CCDC163: variants seen among roughly 807,000 people sequenced by gnomAD.
CCDC163 encodes the protein transmembrane protein CCDC163.
CCDC163 carries 13 observed loss-of-function variants against 8.2 expected under a neutral mutation model. The ratio of observed to expected loss-of-function variants is 1.59; its 90% CI spans 1.04 to 2.54. The LOEUF (loss-of-function observed/expected upper bound fraction) is 2.54. Among genes scored for constraint, CCDC163 ranks in the 30% most tolerant of loss-of-function variants. The probability of loss-of-function intolerance (pLI) is 0.00; values close to 1 mark genes in which losing one functional copy is unlikely to be tolerated. For missense variants in CCDC163, 117 were observed against 78.6 expected, an observed-to-expected ratio of 1.49 and a Z score of -1.85; for synonymous variants, 41 against 30.9, an observed-to-expected ratio of 1.33 and a Z score of -1.08.
chr1:45,499,074 G>C (rs775153281), intron 2 of CCDC163, among the ~76,000 whole-genome samples: 2 of 152,218 alleles, frequency 1.3e-5, no homozygotes, highest in Non-Finnish European at 2.9e-5. Context: ...ACTCAGGGCA[G>C]CTCAGCCTTT....
chr1:45,496,408 G>GGAGA, intron 4 of CCDC163, 148 bp downstream of exon 4: 1 of 698,174 alleles, frequency 1.4e-6, no homozygotes, highest in South Asian at 1.5e-5. Context: ...GAAGAGCTCT[G>GGAGA]GAGAGAGAGA....
Position 45,494,109 on chromosome 1 carries a change from G to A in CCDC163, c.*950C>T, listed in dbSNP as rs1263651787. 6.6e-6 allele frequency: 1 copy of A among 152,176 alleles called. No homozygotes were observed. The highest frequency in any genetic ancestry group is 1.5e-5 in the Non-Finnish European group (1 of 68,050). 9.4% of individuals were successfully genotyped at this position (152,176 alleles called of 1,614,324 possible). A position where few individuals can be genotyped will look rare whatever the true frequency, so the allele number is the denominator to read the frequency against. On this transcript the variant is annotated 3_prime_UTR_variant, in exon 5 of 5. Coordinates refer to ENST00000629482, the MANE Select transcript of CCDC163 (RefSeq NM_001102601.3). ...GGGAAGAGGCTGCTACAGAAATGCA[G>A]TCTGGGCTGCTAAGGATGATGTGTG... is the stretch of plus-strand genomic sequence containing the variant.
chr1:45,497,901 C>G (rs951532042), intron 2 of CCDC163, among the ~76,000 whole-genome samples: 4 of 144,798 alleles, frequency 2.8e-5, no homozygotes, highest in African/African-American at 1.0e-4. Flanking sequence ...TCATTGAGAA[C>G]GGGCCAGGAT....
In CCDC163 at chr1:45,493,873, C is replaced by T. The variant is rs976555736; in HGVS notation, c.*1186G>A. On this transcript the variant is annotated 3_prime_UTR_variant, in exon 5 of 5. Coordinates refer to ENST00000629482, the MANE Select transcript of CCDC163 (RefSeq NM_001102601.3). ...TGAAAAGGATCAGGATCATTAGTCA[C>T]AAGGCATTTTTTAATGAAATATAAT... is the stretch of plus-strand genomic sequence containing the variant. 3.3e-5 allele frequency: 5 copies of T among 152,188 alleles called. No homozygotes were observed. The highest frequency in any genetic ancestry group is 1.2e-4 in the African/African-American group (5 of 41,448). 9.4% of individuals were successfully genotyped at this position (152,188 alleles called of 1,614,324 possible).
At chr1:45,495,651 C>A in intron 4 of CCDC163, 1 of 616,932 alleles carries the variant, frequency 1.6e-6, no homozygotes, top group Non-Finnish European at 2.9e-6. Context: ...CTGGTCTCCT[C>A]CCTCTTTTTT....
chr1:45,497,568 G>C (rs911817085), intron 2 of CCDC163, among the ~76,000 whole-genome samples, 185 bp from the exon 3 acceptor site: 6 of 140,058 alleles, frequency 4.3e-5, no homozygotes, highest in Admixed American at 3.7e-4. Flanking sequence ...GCGTGATCTC[G>C]GCTCGCTACA....
At chr1:45,497,801 T>G (rs1440628588) in intron 2 of CCDC163, among the ~76,000 whole-genome samples, 24 of 136,090 alleles carry the variant, frequency 1.8e-4, no homozygotes, top group South Asian at 7.5e-4. Context: ...ATCCGGGAGG[T>G]GAGGGGTGCC....
intron 3 of CCDC163, 63 bp downstream of exon 3, chr1:45,497,236 A>T: frequency 1.4e-6 from 1 of 720,604 alleles, no homozygotes. Flanking sequence ...TAAAAGAAGA[A>T]GATGACTTTC....
intron 4 of CCDC163, chr1:45,495,412 C>A: frequency 4.3e-6 from 3 of 702,864 alleles, no homozygotes; most frequent in Non-Finnish European, 7.8e-6. Context: ...TTGTCCTTAT[C>A]CTTACCTGGC....
intron 2 of CCDC163, among the ~76,000 whole-genome samples, chr1:45,498,918 A>G (rs1643450970): frequency 1.3e-5 from 2 of 152,236 alleles, no homozygotes; most frequent in Non-Finnish European, 2.9e-5. Context: ...GAACTACTGT[A>G]TAACAGCTTT....
At chr1:45,497,775 C>A (rs1643377124) in intron 2 of CCDC163, among the ~76,000 whole-genome samples, 1 of 136,552 alleles carries the variant, frequency 7.3e-6, no homozygotes, top group Admixed American at 7.3e-5. Context: ...CAGCCCCCCG[C>A]CCGGCCAGCC....
intron 2 of CCDC163, among the ~76,000 whole-genome samples, chr1:45,497,940 G>T (rs1460917739): frequency 6.8e-6 from 1 of 147,808 alleles, no homozygotes; most frequent in Non-Finnish European, 1.5e-5. Flanking sequence ...GAATAGAAAG[G>T]GGGGAAAGGT....
chr1:45,495,034 T>A lies in CCDC163; in HGVS notation c.*25A>T, dbSNP rs747954391. 5.1e-6 allele frequency: 4 copies of A among 780,760 alleles called. No homozygotes were observed. In the South Asian group the frequency reaches 5.4e-5, roughly 10 times the overall value. The allele number at this position is 780,760 out of a possible 1,614,324, so 48.4% of individuals were successfully genotyped here. Reference sequence around the variant, plus strand: ...GGGCAAAGAAGCCTTCATCCTACTATTCTTAACGAGTCCTTACAGGTCATT... The same window carrying A: ...GGGCAAAGAAGCCTTCATCCTACTAATCTTAACGAGTCCTTACAGGTCATT... On this transcript the variant is annotated 3_prime_UTR_variant, in exon 5 of 5. Transcript: ENST00000629482.
intron 2 of CCDC163, 133 bp downstream of exon 2, chr1:45,499,212 G>T: frequency 4.4e-6 from 3 of 684,760 alleles, no homozygotes; most frequent in Non-Finnish European, 8.1e-6. Flanking sequence ...AGGGTTAAGT[G>T]CAGGGTCTGT....
rs12093444 is a variant in CCDC163, at chr1:45,495,161, G to T, written c.336C>A (p.Pro112=). ...RQAQVGSWKI[P]RGAPFLTWSP... is the part of the protein sequence containing the mutation. ...TCCAGGTTAGAAAGGGTGCTCCTCT[G>T]GGGATCTAAGAGGAAAGAAAAGGGA... The change falls in exon 5 of 5, where the codon CCC becomes CCA. Residue 112 remains proline, a synonymous_variant. Coordinates refer to ENST00000629482, the MANE Select transcript of CCDC163 (RefSeq NM_001102601.3). 2.6e-6 allele frequency: 2 copies of T among 780,684 alleles called. No individual in the cohort carries two copies. The highest frequency in any genetic ancestry group is 4.8e-6 in the Non-Finnish European group (2 of 417,974). 48.4% of individuals were successfully genotyped at this position (780,684 alleles called of 1,614,324 possible).
At chr1:45,497,269 C>T in intron 3 of CCDC163, 30 bp downstream of exon 3, 3 of 770,068 alleles carry the variant, frequency 3.9e-6, no homozygotes, top group Non-Finnish European at 7.3e-6. Flanking sequence ...CAAGGAAACG[C>T]ATATTCGCCC....
chr1:45,497,228 AAAG>A (rs755323931), intron 3 of CCDC163, 68 bp downstream of exon 3: 570 of 694,712 alleles, frequency 8.2e-4, no homozygotes, highest in African/African-American at 1.2e-3. Flanking sequence ...AAAATAAATA[AAAG>A]AAGAAGATGA....
Position 45,496,592 on chromosome 1 carries a change from C to T in CCDC163, c.294G>A (p.Leu98=). Residue 98 remains leucine, a synonymous_variant, in exon 4 of 5, where the codon CTG becomes CTA. Coordinates refer to ENST00000629482, the MANE Select transcript of CCDC163 (RefSeq NM_001102601.3). ...CAACCTGAGCCTGTCGTCCCTCAGC[C>T]AGCTGTTTCAGCAGCAGCTCCTGGT... The part of the protein sequence containing the change: ...SQHQELLLKQ[L]AEGRQAQVGS... 2 of 780,566 alleles carry T rather than the reference C, an allele frequency of 2.6e-6. No homozygotes were observed. The highest frequency in any genetic ancestry group is 4.8e-6 in the Non-Finnish European group (2 of 417,894). The allele number at this position is 780,566 out of a possible 1,614,324, so 48.4% of individuals were successfully genotyped here.
Position 45,495,057 on chromosome 1 carries a change from A to T in CCDC163, c.*2T>A, listed in dbSNP as rs1351628227. ...TATTCTTAACGAGTCCTTACAGGTC[A>T]TTCAGGAGCATTTTGGGGCCCCAAA... On this transcript the variant is annotated 3_prime_UTR_variant, in exon 5 of 5. Coordinates refer to ENST00000629482, the MANE Select transcript of CCDC163 (RefSeq NM_001102601.3). The T allele has an allele frequency of 2.6e-6, 2 of 780,736 alleles. No individual in the cohort carries two copies. The highest frequency in any genetic ancestry group is 4.8e-6 in the Non-Finnish European group (2 of 417,982). 48.4% of individuals were successfully genotyped at this position (780,736 alleles called of 1,614,324 possible).
Sources: gnomAD v4.1 joint callset for allele counts (sites outside exome capture counted in the v4.1 genomes callset) on GRCh38, gnomAD v4.1.1 for gene constraint, MANE v1.5 for transcripts, NCBI Gene and HGNC (gene_info 2026-07-23, HGNC 2026-07-21) for gene names.